Variants in ARAP2 observed in about 807,000 individuals in gnomAD.
ARAP2 encodes arf-GAP with Rho-GAP domain, ANK repeat and PH domain-containing protein 2.
In ARAP2, 148 loss-of-function variants were observed where a neutral mutation model predicts 194.5. That is an observed-to-expected ratio of 0.76 (90% CI 0.67 to 0.87). The LOEUF (loss-of-function observed/expected upper bound fraction) is 0.87, where lower values mean the gene tolerates loss of function less well. Ranked by LOEUF, ARAP2 falls within the 40% of genes least tolerant of loss-of-function variation. ARAP2 has a pLI of 0.00. For synonymous variants in ARAP2, 695 were observed against 683.5 expected, an observed-to-expected ratio of 1.02 and a Z score of -0.26; for missense variants, 2,128 against 1,989.7, an observed-to-expected ratio of 1.07 and a Z score of -1.32.
chr4:36,115,785 T>A (rs777920808), intron 25 of ARAP2, among the ~76,000 whole-genome samples: 4 of 152,006 alleles, frequency 2.6e-5, no homozygotes, highest in Non-Finnish European at 4.4e-5. Context: ...TGCAGAATCA[T>A]AAGCATTAAA....
chr4:36,037,741 T>A (rs1177008317), intron 5 of ARAP2, among the ~76,000 whole-genome samples: 1 of 152,060 alleles, frequency 6.6e-6, no homozygotes, highest in African/African-American at 2.4e-5. Flanking sequence ...TGCTAATCAA[T>A]CCCTCATTCA....
intron 6 of ARAP2, among the ~76,000 whole-genome samples, chr4:36,199,885 G>A (rs889069844): frequency 6.6e-6 from 1 of 152,126 alleles, no homozygotes; most frequent in Non-Finnish European, 1.5e-5. Context: ...GTTGTTATTA[G>A]CTTCTTTGTG....
At chr4:36,179,043 A>G (rs1029892035) in intron 8 of ARAP2, among the ~76,000 whole-genome samples, 4 of 152,224 alleles carry the variant, frequency 2.6e-5, no homozygotes, top group African/African-American at 9.7e-5. Context: ...CTCTGAACTC[A>G]CACGAAAAAA....
intron 13 of ARAP2, chr4:36,160,153 T>C: frequency 2.0e-6 from 2 of 1,018,824 alleles, no homozygotes; most frequent in Non-Finnish European, 2.3e-6. Context: ...TTCTCATCCT[T>C]TCTTCCCACA....
chr4:36,217,917 T>C (rs1271051083), intron 2 of ARAP2, among the ~76,000 whole-genome samples: 1 of 151,146 alleles, frequency 6.6e-6, no homozygotes, highest in African/African-American at 2.4e-5. Flanking sequence ...TATGAATCTG[T>C]AGTGTCAATG....
At position 36,107,893 on chromosome 4, in the gene ARAP2, A is replaced by G. The variant is rs139306198; in HGVS notation, c.4157-200T>C. Among the ~76,000 whole-genome samples the G allele has an allele frequency of 5.5e-3, 837 of 152,124 alleles. 26 individuals are homozygous for G. The highest frequency in any genetic ancestry group is 0.049 in the Admixed American group (746 of 15,252). ...TAAGACCTAGAAAATTATTAAGCACATAATAACATTTACTATATAAATTAA... is the reference window on the plus strand; with the variant it reads ...TAAGACCTAGAAAATTATTAAGCACGTAATAACATTTACTATATAAATTAA... On this transcript the variant is annotated intron_variant, in intron 26 of 32. Coordinates refer to ENST00000303965, the MANE Select transcript of ARAP2 (RefSeq NM_015230.4).
chr4:36,116,171 G>A (rs1401947348), intron 25 of ARAP2, among the ~76,000 whole-genome samples: 1 of 151,858 alleles, frequency 6.6e-6, no homozygotes, highest in Non-Finnish European at 1.5e-5. Context: ...TAATATTTCA[G>A]CTTCATGTAC....
Position 36,147,923 on chromosome 4 carries a change from T to G in ARAP2, c.3001-177A>C, listed in dbSNP as rs532546382. Among the ~76,000 whole-genome samples, 7 of 152,300 alleles carry G rather than the reference T, an allele frequency of 4.6e-5. No homozygotes were observed. In the East Asian group the frequency reaches 7.7e-4, roughly 17 times the overall value. ...TATCAGTCTTAAAACTGAACAACTATAATGCATTTTCAAATGGCAGCATCT... is the reference window on the plus strand; with the variant it reads ...TATCAGTCTTAAAACTGAACAACTAGAATGCATTTTCAAATGGCAGCATCT... On this transcript the variant is annotated intron_variant, in intron 17 of 32. Transcript: ENST00000303965.
intron 9 of ARAP2, among the ~76,000 whole-genome samples, chr4:36,009,796 C>CT (rs33934370): frequency 0.65 from 96,671 of 149,836 alleles, 31,281 homozygotes; most frequent in Admixed American, 0.76. Context: ...GAAAAAGGAA[C>CT]TCTTCCCAGA....
intron 2 of ARAP2, among the ~76,000 whole-genome samples, chr4:36,222,505 T>C (rs1386765050): frequency 6.6e-6 from 1 of 151,864 alleles, no homozygotes; most frequent in Non-Finnish European, 1.5e-5. Flanking sequence ...ACAAAAATAG[T>C]AAGTGAAACA....
chr4:36,153,718 T>G (rs1731559413), intron 15 of ARAP2, among the ~76,000 whole-genome samples: 1 of 152,298 alleles, frequency 6.6e-6, no homozygotes, highest in African/African-American at 2.4e-5. Context: ...ATACCTTGAT[T>G]GTCAGCTACA....
At chr4:36,092,464 C>A (rs942831718) in intron 27 of ARAP2, among the ~76,000 whole-genome samples, 14 of 152,032 alleles carry the variant, frequency 9.2e-5, no homozygotes, top group African/African-American at 3.4e-4. Flanking sequence ...CAAAAATCAG[C>A]CAGGTGTGGT....
At chr4:36,219,588 A>G (rs13133245) in intron 2 of ARAP2, among the ~76,000 whole-genome samples, 12,977 of 152,202 alleles carry the variant, frequency 0.085, 596 homozygotes, top group Middle Eastern at 0.13. Flanking sequence ...TAATTGTTAT[A>G]GTGGTCACAT....
intron 32 of ARAP2, among the ~76,000 whole-genome samples, chr4:36,071,553 G>C (rs1726902020): frequency 6.6e-6 from 1 of 152,058 alleles, no homozygotes; most frequent in Non-Finnish European, 1.5e-5. Context: ...CAATAGGACT[G>C]AATGAAAGCC....
intron 5 of ARAP2, among the ~76,000 whole-genome samples, chr4:36,028,856 T>C (rs1402836834): frequency 6.6e-6 from 1 of 152,068 alleles, no homozygotes; most frequent in African/African-American, 2.4e-5. Flanking sequence ...TCTTTTCCCC[T>C]ACATTTGTAT....
At chr4:36,029,717 T>C (rs1424648580) in intron 5 of ARAP2, among the ~76,000 whole-genome samples, 2 of 152,014 alleles carry the variant, frequency 1.3e-5, no homozygotes, top group Non-Finnish European at 2.9e-5. Context: ...TTCTTTGTTG[T>C]TATTTGTAAA....
At chr4:36,144,966 T>C (rs1729291035) in intron 19 of ARAP2, among the ~76,000 whole-genome samples, 2 of 152,102 alleles carry the variant, frequency 1.3e-5, no homozygotes, top group South Asian at 4.1e-4. Flanking sequence ...AGCATTTTCT[T>C]TTCTCTAGCT....
rs1177126322 is a variant in ARAP2 at position 36,151,007 on chromosome 4, G to A, written c.2790C>T (p.Phe930=). The A allele has an allele frequency of 1.2e-6, 2 of 1,610,348 alleles. No homozygotes were observed. Among genetic ancestry groups the A allele is most frequent in the Admixed American group, 1.7e-5 (1 of 59,488 alleles). The change falls in exon 16 of 33, where the codon TTC becomes TTT. Residue 930 remains phenylalanine, a synonymous_variant. Coordinates refer to ENST00000303965, the MANE Select transcript of ARAP2 (RefSeq NM_015230.4). ...NKKWCVLEGG[F]LSYYENDKST... ...ACTTATCATTTTCATAGTAACTCAA[G>A]AAGCCTCCTTCCAAAACACACCATT...
Position 36,165,006 on chromosome 4 carries a change from T to A in ARAP2, c.2081A>T (p.Asn694Ile), listed in dbSNP as rs750761777. The change falls in exon 11 of 33, where the codon AAT (asparagine) becomes ATT (isoleucine). Residue 694 changes from asparagine to isoleucine, a missense_variant. Transcript: ENST00000303965. ...DYEVAEKIWF[N>I]ESNRSCADCK... Reference sequence around the variant, plus strand: ...ATCTGCACAGCTCCTGTTGGATTCATTGAACCAAATCTTCTCAGCTACTTC... The same window carrying A: ...ATCTGCACAGCTCCTGTTGGATTCAATGAACCAAATCTTCTCAGCTACTTC... The A allele has an allele frequency of 4.3e-6, 7 of 1,614,116 alleles. No individual in the cohort carries two copies. In the East Asian group the frequency reaches 1.3e-4, roughly 31 times the overall value.
Sources: allele counts gnomAD v4.1 joint callset (sites outside exome capture counted in the v4.1 genomes callset), GRCh38; gene constraint gnomAD v4.1.1; transcripts MANE v1.5; gene names NCBI Gene and HGNC (gene_info 2026-07-23, HGNC 2026-07-21).